Variants in PLK4 observed in about 807,000 individuals in gnomAD.
The protein encoded by PLK4 is serine/threonine-protein kinase PLK4.
Under a neutral mutation model 103.0 loss-of-function variants are expected in PLK4, and 51 were observed. The ratio of observed to expected loss-of-function variants is 0.50; its 90% confidence interval spans 0.40 to 0.63. The LOEUF is 0.63. Ranked by LOEUF, PLK4 falls within the 20% of genes least tolerant of loss-of-function variation. PLK4 has a pLI of 0.00. For missense variants in PLK4, 1,054 were observed against 1,151.0 expected (o/e 0.92, Z 1.22); for synonymous variants, 389 against 376.8 (o/e 1.03, Z -0.38).
At position 127,888,649 on chromosome 4, in the gene PLK4, GT is replaced by G. The variant is rs555472092; in HGVS notation, c.1459+1155del. On this transcript the variant is annotated intron_variant, in intron 6 of 15. Transcript: ENST00000270861. The stretch of plus-strand genomic sequence containing the variant: ...TTTAAACAGCTATCATCCAAGTCAT[GT>G]TGTTTATAATACAGAGTTTGAAGGT... Among the ~76,000 whole-genome samples, 23 of 152,262 alleles carry G rather than the reference GT, an allele frequency of 1.5e-4. No individual in the cohort carries two copies. In the East Asian group the frequency reaches 4.4e-3, roughly 29 times the overall value.
intron 1 of PLK4, chr4:127,881,486 G>C: frequency 9.9e-7 from 1 of 1,007,922 alleles, no homozygotes; most frequent in East Asian, 3.1e-5. Flanking sequence ...CCAAGGGGAT[G>C]GCGGTTATCT....
intron 14 of PLK4, among the ~76,000 whole-genome samples, chr4:127,895,618 T>C (rs1430816187): frequency 1.3e-5 from 2 of 151,842 alleles, no homozygotes; most frequent in African/African-American, 4.8e-5. Context: ...AGACGGGGTT[T>C]CACCATGTTA....
rs373379984 is a variant in PLK4, at chr4:127,887,401, A to G, written c.1364A>G (p.Asn455Ser). ...TTTTTTGTTTGTTTGTTTAGCTCCA[A>G]TCATCTTTGTCCAGGAAAAACTCCT... Reference protein sequence around the residue: ...ERPDNNQALSNHLCPGKTPFP... With the variant: ...ERPDNNQALSSHLCPGKTPFP... The change falls in exon 6 of 16, where the codon AAT becomes AGT. Residue 455 changes from asparagine to serine, a missense_variant. Transcript: ENST00000270861. 597 of 1,598,582 alleles carry G rather than the reference A, an allele frequency of 3.7e-4. 7 individuals carry two copies. The South Asian group carries it at 5.2e-3, about 14-fold the overall frequency.
intron 5 of PLK4, chr4:127,887,188 C>T: frequency 2.2e-6 from 1 of 463,998 alleles, no homozygotes; most frequent in East Asian, 3.6e-5. Context: ...AGTAGCCATA[C>T]AGAAATGCTG....
At position 127,891,569 on chromosome 4, in the gene PLK4, C is replaced by A. The variant is rs372101886; in HGVS notation, c.1936-10C>A. ...CATGTAATTAGAATTTTAAAAAAAT[C>A]TTTTGGCAGATCACTATTTATTATC... On this transcript the variant is annotated splice_polypyrimidine_tract_variant and intron_variant, in intron 8 of 15. Transcript: ENST00000270861. 5.2e-6 allele frequency: 7 copies of A among 1,351,092 alleles called. No individual in the cohort carries two copies. The highest frequency in any genetic ancestry group is 1.5e-5 in the South Asian group (1 of 65,524). 83.7% of individuals were successfully genotyped at this position (1,351,092 alleles called of 1,614,324 possible).
At chr4:127,894,418 C>T (rs544252857) in intron 13 of PLK4, among the ~76,000 whole-genome samples, 124 of 151,526 alleles carry the variant, frequency 8.2e-4, no homozygotes, top group Admixed American at 1.6e-3. Context: ...TCAGTAGAGA[C>T]GGGGTTTCAC....
At chr4:127,889,699 G>A (rs1735274690) in intron 6 of PLK4, among the ~76,000 whole-genome samples, 167 bp from the exon 7 acceptor site, 1 of 152,148 alleles carries the variant, frequency 6.6e-6, no homozygotes, top group African/African-American at 2.4e-5. Context: ...TCAAAGTCAT[G>A]TCTTAAACTG....
intron 2 of PLK4, among the ~76,000 whole-genome samples, chr4:127,882,712 C>A (rs528149879): frequency 1.3e-5 from 2 of 151,922 alleles, no homozygotes; most frequent in Non-Finnish European, 2.9e-5. Flanking sequence ...GAGCTGAGAT[C>A]GCGCCATTGC....
intron 4 of PLK4, among the ~76,000 whole-genome samples, chr4:127,885,478 C>CAAAA (rs397878802): frequency 4.0e-5 from 2 of 49,822 alleles, no homozygotes; most frequent in East Asian, 4.9e-4. Context: ...GACTCCGTCT[C>CAAAA]AAAAAAAAAA....
In PLK4 at chr4:127,887,873, A is replaced by C. The variant is rs1406051512; in HGVS notation, c.1459+377A>C. Among the ~76,000 whole-genome samples the C allele has an allele frequency of 2.8e-3, 377 of 136,972 alleles. 4 individuals carry two copies. Among genetic ancestry groups the C allele is most frequent in the Non-Finnish European group, 5.2e-3 (310 of 59,928 alleles). The allele number at this position is 136,972 out of a possible 152,430, so 89.9% of individuals were successfully genotyped here. A position where few individuals can be genotyped will look rare whatever the true frequency, so the allele number is the denominator to read the frequency against. ...TGTGACAGAGAGAGAGACCCTGTCA[A>C]AAAAAAAAAAAAAAAAAAAGCATTG... is the stretch of plus-strand genomic sequence containing the variant. On this transcript the variant is annotated intron_variant, in intron 6 of 15. Coordinates refer to ENST00000270861, the MANE Select transcript of PLK4 (RefSeq NM_014264.5).
At chr4:127,885,511 T>A (rs1177443829) in intron 4 of PLK4, among the ~76,000 whole-genome samples, 197 bp from the exon 5 acceptor site, 1 of 149,452 alleles carries the variant, frequency 6.7e-6, no homozygotes, top group Non-Finnish European at 1.5e-5. Context: ...GTTAATATGA[T>A]CTCTTTAGAG....
intron 13 of PLK4, among the ~76,000 whole-genome samples, 153 bp downstream of exon 13, chr4:127,894,034 G>A (rs771418438): frequency 3.9e-5 from 6 of 152,098 alleles, no homozygotes; most frequent in African/African-American, 1.4e-4. Flanking sequence ...ATGTTTGAGC[G>A]TCAAAGGCCT....
Position 127,891,625 on chromosome 4 carries a change from A to G in PLK4, c.1982A>G (p.Asp661Gly), listed in dbSNP as rs777851037. Reference sequence around the variant, plus strand: ...GGTGGTAGAGGTTTTCCTCTTGCTGATAGACCACCCTCACCTACTGACAAC... The same window carrying G: ...GGTGGTAGAGGTTTTCCTCTTGCTGGTAGACCACCCTCACCTACTGACAAC... ...PNGGRGFPLA[D>G]RPPSPTDNIS... The change falls in exon 9 of 16, where the codon GAT becomes GGT. Residue 661 changes from aspartate (D) to glycine (G), a missense_variant. By Grantham distance (94) the Asp-to-Gly change is moderately conservative. Around this residue, in one of 4 missense-constraint regions of PLK4, gnomAD observed 680 missense variants for 660.3 expected, o/e 1.03. Coordinates refer to ENST00000270861, the MANE Select transcript of PLK4 (RefSeq NM_014264.5). The G allele has an allele frequency of 3.8e-6, 6 of 1,561,298 alleles. No homozygotes were observed. The highest frequency in any genetic ancestry group is 5.2e-6 in the Non-Finnish European group (6 of 1,148,938).
At chr4:127,888,337 A>G (rs1406003872) in intron 6 of PLK4, among the ~76,000 whole-genome samples, 1 of 152,018 alleles carries the variant, frequency 6.6e-6, no homozygotes, top group Non-Finnish European at 1.5e-5. Flanking sequence ...AGATACTGTT[A>G]TTATCTCCGT....
chr4:127,897,868 T>C (rs532530725), intron 15 of PLK4, among the ~76,000 whole-genome samples: 86 of 113,694 alleles, frequency 7.6e-4, no homozygotes, highest in Non-Finnish European at 1.2e-3. Flanking sequence ...TGAGACAGAG[T>C]CTCGCTCTGT....
chr4:127,884,986 C>T (rs1427688155), intron 4 of PLK4, among the ~76,000 whole-genome samples: 1 of 151,668 alleles, frequency 6.6e-6, no homozygotes, highest in Non-Finnish European at 1.5e-5. Context: ...TGGGAGACAT[C>T]GTTGGAACTT....
At position 127,898,452 on chromosome 4, in the gene PLK4, G is replaced by C. The variant is rs141018112; in HGVS notation, c.2824G>C (p.Glu942Gln). Reference protein sequence around the residue: ...NGQTTRYGENEKLPDYIKQKL... With the variant: ...NGQTTRYGENQKLPDYIKQKL... ...TGCTTCACTTAGGTATGGAGAAAAT[G>C]AAAAATTACCAGACTACATCAAACA... The change falls in exon 16 of 16, where the codon GAA becomes CAA. Residue 942 changes from glutamate to glutamine, a missense_variant. Transcript: ENST00000270861. The C allele has an allele frequency of 1.9e-4, 300 of 1,540,204 alleles. No individual in the cohort carries two copies. The highest frequency in any genetic ancestry group is 2.5e-4 in the Non-Finnish European group (279 of 1,119,990).
intron 14 of PLK4, among the ~76,000 whole-genome samples, chr4:127,896,424 A>G (rs532876064): frequency 2.4e-4 from 37 of 152,326 alleles, no homozygotes; most frequent in Admixed American, 5.9e-4. Context: ...TGTTGCTTTT[A>G]TTCCCTAAAT....
chr4:127,895,109 T>A lies in PLK4; in HGVS notation c.2703+16T>A. The A allele has an allele frequency of 6.5e-7, 1 of 1,540,450 alleles. No homozygotes were observed. The highest frequency in any genetic ancestry group is 1.4e-5 in the African/African-American group (1 of 71,942). On this transcript the variant is annotated intron_variant, in intron 14 of 15. Transcript: ENST00000270861. ...GGCTACACAGGTGAGAAGTTTCTAGTACAGTGCATTTTCTCAGTATGAATT... is the reference window on the plus strand; with the variant it reads ...GGCTACACAGGTGAGAAGTTTCTAGAACAGTGCATTTTCTCAGTATGAATT...
Sources: allele counts gnomAD v4.1 joint callset (sites outside exome capture counted in the v4.1 genomes callset), GRCh38; gene constraint gnomAD v4.1.1; regional missense constraint gnomAD v4.1.1; transcripts MANE v1.5; gene names NCBI Gene and HGNC (gene_info 2026-07-23, HGNC 2026-07-21).